The following FGD6 variants were observed in gnomAD, a reference collection of about 807,000 sequenced individuals.
FGD6 encodes FYVE, RhoGEF and PH domain-containing protein 6.
A neutral mutation model predicts 149.4 loss-of-function variants in FGD6; 90 were observed. The observed-to-expected ratio is 0.60, with a 90% confidence interval of 0.51 to 0.72. FGD6 has a LOEUF of 0.72. Among genes scored for constraint, FGD6 ranks in the 30% least tolerant of loss-of-function variants. The pLI is 0.00. For synonymous variants in FGD6, 527 were observed against 584.0 expected (o/e 0.90, Z 1.41); for missense variants, 1,437 against 1,684.8 (o/e 0.85, Z 2.57).
At chr12:95,115,697 A>C (rs1878986412) in intron 8 of FGD6, among the ~76,000 whole-genome samples, 1 of 152,224 alleles carries the variant, frequency 6.6e-6, no homozygotes, top group Non-Finnish European at 1.5e-5. Flanking sequence ...GCTAGTTAGT[A>C]CTATTATGGA....
intron 12 of FGD6, among the ~76,000 whole-genome samples, chr12:95,107,362 A>T (rs1878663146): frequency 6.6e-6 from 1 of 152,238 alleles, no homozygotes; most frequent in African/African-American, 2.4e-5. Flanking sequence ...ATAAATTCCA[A>T]AAAGAAATAA....
chr12:95,157,566 CAAAAAAAA>C (rs71078615), intron 3 of FGD6, among the ~76,000 whole-genome samples: 89 of 113,272 alleles, frequency 7.9e-4, no homozygotes, highest in African/African-American at 2.9e-3. Flanking sequence ...AACTCTGTCT[CAAAAAAAA>C]AAAAAAAAAG....
intron 2 of FGD6, among the ~76,000 whole-genome samples, chr12:95,196,266 A>G (rs908336875): frequency 2.0e-5 from 3 of 152,256 alleles, no homozygotes; most frequent in East Asian, 1.9e-4. Context: ...CAGGTTGTGC[A>G]TAGAAGGAAG....
intron 5 of FGD6, among the ~76,000 whole-genome samples, chr12:95,152,422 T>A (rs1880338325): frequency 6.6e-6 from 1 of 152,134 alleles, no homozygotes; most frequent in Non-Finnish European, 1.5e-5. Flanking sequence ...CTCTCCTAAA[T>A]GGAGGTAGTA....
At chr12:95,100,711 C>A in intron 14 of FGD6, 1 of 534,836 alleles carries the variant, frequency 1.9e-6, no homozygotes, top group South Asian at 1.4e-5. Context: ...GTTGACTGCC[C>A]TTGCAACAGA....
chr12:95,091,450 CTGTTT>C (rs1320113572), intron 17 of FGD6, among the ~76,000 whole-genome samples: 1 of 152,186 alleles, frequency 6.6e-6, no homozygotes, highest in East Asian at 1.9e-4. Context: ...TTCCCTTTTA[CTGTTT>C]TAAGTGTTTT....
At chr12:95,081,668 GAT>G (rs76750575) in intron 20 of FGD6, 112 bp from the exon 21 acceptor site, 761 of 346,088 alleles carry the variant, frequency 2.2e-3, no homozygotes, top group East Asian at 3.5e-3. Context: ...ACATAGGTAA[GAT>G]ATATATATAT....
In FGD6 at chr12:95,217,364, C is replaced by T; in HGVS notation, c.-124G>A. On this transcript the variant is annotated 5_prime_UTR_variant, in exon 1 of 21. Transcript: ENST00000343958. Reference sequence around the variant, plus strand: ...GCAGCGCCCACATTCCGTCCCGCCGCCCCGCGGCGCAGCCTGAGCGCCACA... The same window carrying T: ...GCAGCGCCCACATTCCGTCCCGCCGTCCCGCGGCGCAGCCTGAGCGCCACA... The T allele has an allele frequency of 7.4e-7, 1 of 1,353,876 alleles. No homozygotes were observed. Among genetic ancestry groups the T allele is most frequent in the Non-Finnish European group, 9.7e-7 (1 of 1,027,414 alleles). The allele number at this position is 1,353,876 out of a possible 1,614,324, so 83.9% of individuals were successfully genotyped here.
intron 2 of FGD6, among the ~76,000 whole-genome samples, chr12:95,175,483 C>T (rs1285893540): frequency 6.6e-6 from 1 of 152,078 alleles, no homozygotes; most frequent in Non-Finnish European, 1.5e-5. Flanking sequence ...TGGTGGCTCA[C>T]ACCTGTAATC....
intron 5 of FGD6, among the ~76,000 whole-genome samples, chr12:95,148,522 T>C (rs1480020878): frequency 8.6e-6 from 1 of 115,858 alleles, no homozygotes; most frequent in African/African-American, 3.1e-5. Context: ...TATTATATTA[T>C]ATATTATATA....
intron 3 of FGD6, among the ~76,000 whole-genome samples, chr12:95,154,457 A>G (rs1436365720): frequency 1.3e-5 from 2 of 152,192 alleles, no homozygotes; most frequent in Non-Finnish European, 2.9e-5. Flanking sequence ...AGAAAAGGAG[A>G]GAAGCTTCTC....
chr12:95,169,816 T>C (rs879837114), intron 3 of FGD6, among the ~76,000 whole-genome samples: 2 of 152,156 alleles, frequency 1.3e-5, no homozygotes, highest in African/African-American at 4.8e-5. Context: ...GATTTAATTA[T>C]GGCCCTCAAG....
At position 95,116,639 on chromosome 12, in the gene FGD6, C is replaced by T. The variant is rs551036750; in HGVS notation, c.3083-2938G>A. 4.6e-5 allele frequency among the ~76,000 whole-genome samples: 7 copies of T among 152,256 alleles called. No individual in the cohort carries two copies. The South Asian group carries it at 8.3e-4, about 18-fold the overall frequency. On this transcript the variant is annotated intron_variant, in intron 8 of 20. Coordinates refer to ENST00000343958, the MANE Select transcript of FGD6 (RefSeq NM_018351.4). Reference sequence around the variant, plus strand: ...CTGAGCAGAAAACCCACCGTTAACACGTTGCAACATCATGCTATTAATCAA... The same window carrying T: ...CTGAGCAGAAAACCCACCGTTAACATGTTGCAACATCATGCTATTAATCAA...
At chr12:95,083,028 T>TATACACAC (rs1877744697) in intron 20 of FGD6, among the ~76,000 whole-genome samples, 1 of 67,856 alleles carries the variant, frequency 1.5e-5, no homozygotes, top group Non-Finnish European at 3.2e-5. Flanking sequence ...TATATATATA[T>TATACACAC]ATACACACAC....
chr12:95,202,110 C>T (rs1380106466), intron 2 of FGD6, among the ~76,000 whole-genome samples: 2 of 151,984 alleles, frequency 1.3e-5, no homozygotes, highest in Non-Finnish European at 2.9e-5. Flanking sequence ...TACATATGGG[C>T]TGGCCGCGGT....
At chr12:95,197,949 A>G (rs1464712966) in intron 2 of FGD6, among the ~76,000 whole-genome samples, 24 of 152,182 alleles carry the variant, frequency 1.6e-4, no homozygotes, top group Admixed American at 1.6e-3. Flanking sequence ...TAACCACAAG[A>G]GCTTTCCAAT....
chr12:95,107,175 T>C (rs1363636983), intron 12 of FGD6, 138 bp from the exon 13 acceptor site: 1 of 641,438 alleles, frequency 1.6e-6, no homozygotes, highest in Admixed American at 3.2e-5. Context: ...TATTCTGCTA[T>C]ATACACTAGA....
chr12:95,153,242 C>T (rs1592854590), intron 3 of FGD6, among the ~76,000 whole-genome samples: 1 of 152,180 alleles, frequency 6.6e-6, no homozygotes, highest in East Asian at 1.9e-4. Flanking sequence ...CTGAGTAGCT[C>T]CAGAACCTTG....
intron 2 of FGD6, among the ~76,000 whole-genome samples, chr12:95,207,328 A>G (rs1016521378): frequency 2.0e-5 from 3 of 152,190 alleles, no homozygotes; most frequent in African/African-American, 7.2e-5. Flanking sequence ...TGAGTCAATT[A>G]AACATCTTTC....
Sources: allele counts gnomAD v4.1 joint callset (sites outside exome capture counted in the v4.1 genomes callset), GRCh38; gene constraint gnomAD v4.1.1; transcripts MANE v1.5; gene names NCBI Gene and HGNC (gene_info 2026-07-23, HGNC 2026-07-21).